STS: variants seen among roughly 807,000 people sequenced by gnomAD.
STS encodes steryl-sulfatase.
STS carries 7 observed loss-of-function variants against 26.8 expected under a neutral mutation model. The observed-to-expected ratio is 0.26, with a 90% CI of 0.15 to 0.49. The LOEUF is 0.49. Ranked by LOEUF, STS falls within the 20% of genes least tolerant of loss-of-function variation. The pLI is 0.98. For synonymous variants in STS, 199 were observed against 189.4 expected, an observed-to-expected ratio of 1.05 and a Z score of -0.42; for missense variants, 434 against 465.6, an observed-to-expected ratio of 0.93 and a Z score of 0.63.
chrX:7,183,473 C>T (rs1167930892), intron 1 of STS, among the ~76,000 whole-genome samples: 1 of 112,009 alleles, frequency 8.9e-6, no homozygotes, highest in African/African-American at 3.2e-5. Context: ...CAAGATCACA[C>T]AAGTAATGAC....
chrX:7,193,741 G>A (rs1298042626), intron 2 of STS, among the ~76,000 whole-genome samples: 1 of 110,717 alleles, frequency 9.0e-6, no homozygotes, highest in African/African-American at 3.3e-5. Flanking sequence ...GTATTTTAAT[G>A]TGCTTCACAA....
intron 7 of STS, among the ~76,000 whole-genome samples, chrX:7,297,533 G>A: frequency 9.0e-6 from 1 of 111,704 alleles, no homozygotes; most frequent in South Asian, 3.7e-4. Flanking sequence ...AACGATTAGG[G>A]ATGTCTTCTT....
At position 7,350,258 on chromosome X, in the gene STS, C is replaced by A; in HGVS notation, c.1734C>A (p.Arg578=). The change falls in exon 11 of 11, where the codon CGC becomes CGA. Residue 578 remains arginine (R), a synonymous_variant. Transcript: ENST00000674429. ...DREKQDKRLS[R] The stretch of plus-strand genomic sequence containing the variant: ...AAAAACAGGATAAGAGACTGAGCCG[C>A]TAGCAGCGCCTGGGGACCAGACAGA... The A allele has an allele frequency of 8.3e-7, 1 of 1,206,473 alleles. No individual in the cohort carries two copies. Among genetic ancestry groups the A allele is most frequent in the Middle Eastern group, 2.4e-4 (1 of 4,125 alleles).
chrX:7,229,233 C>G (rs1921949472), intron 2 of STS, among the ~76,000 whole-genome samples: 1 of 111,867 alleles, frequency 8.9e-6, no homozygotes, highest in African/African-American at 3.2e-5. Flanking sequence ...CTGTGTGGCC[C>G]CTTGGTAAGC....
chrX:7,347,582 C>A (rs1219245961), intron 10 of STS, among the ~76,000 whole-genome samples: 1 of 111,404 alleles, frequency 9.0e-6, no homozygotes, highest in Non-Finnish European at 1.9e-5. Context: ...ATGACAGGAT[C>A]ATTTGAGTGG....
chrX:7,204,696 C>G (rs770137493), intron 2 of STS, among the ~76,000 whole-genome samples: 10 of 101,416 alleles, frequency 9.9e-5, no homozygotes, highest in Non-Finnish European at 1.6e-4. Flanking sequence ...TTTTCTCTCT[C>G]TCCTTCTTTC....
chrX:7,222,292 G>T (rs1921603404), intron 2 of STS, among the ~76,000 whole-genome samples: 1 of 111,775 alleles, frequency 8.9e-6, no homozygotes, highest in Non-Finnish European at 1.9e-5. Context: ...AATTGTCATT[G>T]GCTAATTAAG....
At chrX:7,309,603 A>AG (rs78287467) in intron 8 of STS, among the ~76,000 whole-genome samples, 34,543 of 110,528 alleles carry the variant, frequency 0.31, 4,033 homozygotes, top group Middle Eastern at 0.46. Flanking sequence ...CTTGTTAAAA[A>AG]AAAAATCTAT....
In STS at chrX:7,322,193, T is replaced by A. The variant is rs187526368; in HGVS notation, c.1082-3146T>A. On this transcript the variant is annotated intron_variant, in intron 8 of 10. Transcript: ENST00000674429. ...GGCCTTGCCTCCTGGCAACACAGGT[T>A]AGGAGAGGGGAGAAGAGGACGCCTG... Among the ~76,000 whole-genome samples the A allele has an allele frequency of 4.5e-5, 5 of 112,160 alleles. No homozygotes were observed. The East Asian group carries it at 1.4e-3, about 32-fold the overall frequency.
chrX:7,150,342 C>T lies in STS; in HGVS notation c.-134+2259C>T, dbSNP rs1401874430. 4.5e-4 allele frequency among the ~76,000 whole-genome samples: 50 copies of T among 111,473 alleles called. No homozygotes were observed. The Admixed American group carries it at 4.8e-3, about 11-fold the overall frequency. ...GTTCAAGTGATTCTCCTGCCTCAGC[C>T]TCCCAAGTAGCTGGGATTACAGGCG... On this transcript the variant is annotated intron_variant, in intron 1 of 10. Transcript: ENST00000674429.
At chrX:7,204,337 T>G (rs188429614) in intron 2 of STS, among the ~76,000 whole-genome samples, 1 of 112,042 alleles carries the variant, frequency 8.9e-6, no homozygotes, top group African/African-American at 3.2e-5. Flanking sequence ...TAAACTTTAA[T>G]TTTCTTTGAT....
chrX:7,155,832 T>C (rs1280687153), intron 1 of STS, among the ~76,000 whole-genome samples: 1 of 111,932 alleles, frequency 8.9e-6, no homozygotes, highest in Non-Finnish European at 1.9e-5. Context: ...ACCTGCTATA[T>C]ATCGTTCCTC....
At chrX:7,326,076 G>A (rs946953949) in intron 9 of STS, among the ~76,000 whole-genome samples, 1 of 111,332 alleles carries the variant, frequency 9.0e-6, no homozygotes, top group Non-Finnish European at 1.9e-5. Flanking sequence ...TGGGGAAGAG[G>A]GATTCTAGTT....
chrX:7,270,800 T>C (rs1351677211), intron 6 of STS, among the ~76,000 whole-genome samples: 1 of 112,135 alleles, frequency 8.9e-6, no homozygotes. Context: ...GTAGCCTTGA[T>C]TGAACCCTGA....
Position 7,277,632 on chromosome X carries a change from G to C in STS, c.943+1545G>C, listed in dbSNP as rs139919183. ...GGAGGATTCAAATTAGGCGAGTTCT[G>C]AGGTTCTTTTTTTCTCTAATAGTCT... On this transcript the variant is annotated intron_variant, in intron 7 of 10. Transcript: ENST00000674429. Among the ~76,000 whole-genome samples, 853 of 111,368 alleles carry C rather than the reference G, an allele frequency of 7.7e-3. 14 individuals carry two copies. The highest frequency in any genetic ancestry group is 0.026 in the African/African-American group (813 of 30,686).
At chrX:7,232,135 A>C (rs1332647521) in intron 2 of STS, among the ~76,000 whole-genome samples, 1 of 111,458 alleles carries the variant, frequency 9.0e-6, no homozygotes, top group African/African-American at 3.3e-5. Flanking sequence ...GGTAAGTGGA[A>C]ATTTTTAGGA....
At chrX:7,204,853 CTTTGCTTGCCTCCCTT>C (rs1388115280) in intron 2 of STS, among the ~76,000 whole-genome samples, 3 of 107,557 alleles carry the variant, frequency 2.8e-5, no homozygotes, top group Non-Finnish European at 3.8e-5. Context: ...CTTCCTTCCT[CTTTGCTTGCCTCCCTT>C]TTTTTCCTTC....
chrX:7,337,998 C>T (rs747325218), intron 10 of STS, among the ~76,000 whole-genome samples: 9 of 111,761 alleles, frequency 8.1e-5, no homozygotes, highest in South Asian at 7.5e-4. Context: ...ATAATGTCTT[C>T]GCTATAATTT....
intron 10 of STS, among the ~76,000 whole-genome samples, chrX:7,340,303 C>G (rs1351342900): frequency 8.9e-6 from 1 of 111,808 alleles, no homozygotes; most frequent in East Asian, 2.8e-4. Flanking sequence ...CTCTAACCCC[C>G]CGCCAGATTT....
Sources: allele counts gnomAD v4.1 joint callset (sites outside exome capture counted in the v4.1 genomes callset), GRCh38; gene constraint gnomAD v4.1.1; transcripts MANE v1.5; gene names NCBI Gene and HGNC (gene_info 2026-07-23, HGNC 2026-07-21).